The following KAZN variants were observed in gnomAD, a reference collection of about 807,000 sequenced individuals.
The protein encoded by KAZN is kazrin.
In KAZN, 40 loss-of-function variants were observed where a neutral mutation model predicts 87.4. The observed-to-expected ratio is 0.46, with a 90% CI of 0.36 to 0.60. The LOEUF is 0.60. Ranked by LOEUF, KAZN falls within the 20% of genes least tolerant of loss-of-function variation. The pLI is 0.00. For missense variants in KAZN, 898 were observed against 1,073.9 expected, an observed-to-expected ratio of 0.84 and a Z score of 2.29; for synonymous variants, 466 against 458.3, an observed-to-expected ratio of 1.02 and a Z score of -0.22.
chr1:14,312,212 A>G (rs1655353175), intron 2 of KAZN, among the ~76,000 whole-genome samples: 1 of 152,222 alleles, frequency 6.6e-6, no homozygotes, highest in Non-Finnish European at 1.5e-5. Context: ...GTGTGACATT[A>G]GACAAGTTAC....
intron 1 of KAZN, among the ~76,000 whole-genome samples, chr1:14,724,628 T>C (rs934425878): frequency 1.2e-4 from 19 of 152,246 alleles, no homozygotes; most frequent in Admixed American, 1.2e-3. Context: ...ATTTATTGCC[T>C]GAGCTGTTAT....
chr1:14,544,342 C>CTTTA (rs1672994956), intron 2 of KAZN, among the ~76,000 whole-genome samples: 1 of 81,046 alleles, frequency 1.2e-5, no homozygotes, highest in African/African-American at 4.4e-5. Flanking sequence ...CTTTTTCTTT[C>CTTTA]TTTCTTTCTT....
At position 14,618,145 on chromosome 1, in the gene KAZN, C is replaced by T. The variant is rs533932257; in HGVS notation, c.226+18922C>T. 1.3e-4 allele frequency among the ~76,000 whole-genome samples: 20 copies of T among 152,328 alleles called. No homozygotes were observed. In the East Asian group the frequency reaches 2.1e-3, roughly 16 times the overall value. ...GCTGCGAGATGGCAGCTGAGTCCGG[C>T]GCTTGCTTCACTCTTCATCTAGTTT... On this transcript the variant is annotated intron_variant, in intron 1 of 14. Coordinates refer to ENST00000376030, the MANE Select transcript of KAZN (RefSeq NM_201628.3).
chr1:14,616,345 A>G (rs1209166173), intron 1 of KAZN, among the ~76,000 whole-genome samples: 4 of 152,090 alleles, frequency 2.6e-5, no homozygotes, highest in Non-Finnish European at 4.4e-5. Flanking sequence ...TGTGCCATCA[A>G]CTCATCCTTT....
At chr1:14,408,374 C>G (rs941628034) in intron 2 of KAZN, among the ~76,000 whole-genome samples, 2 of 152,158 alleles carry the variant, frequency 1.3e-5, no homozygotes, top group Non-Finnish European at 2.9e-5. Context: ...CTAGTAGATA[C>G]TGCCTAGCAC....
chr1:14,068,455 T>G (rs1557448156), intron 1 of KAZN, among the ~76,000 whole-genome samples: 1 of 152,162 alleles, frequency 6.6e-6, no homozygotes, highest in Non-Finnish European at 1.5e-5. Context: ...TCTCAAACTA[T>G]GCCCCAAAAG....
At chr1:13,911,002 A>G (rs1639633925) in intron 1 of KAZN, among the ~76,000 whole-genome samples, 1 of 152,042 alleles carries the variant, frequency 6.6e-6, no homozygotes, top group Non-Finnish European at 1.5e-5. Flanking sequence ...TGACATGGGG[A>G]AGACAGGAAC....
intron 1 of KAZN, among the ~76,000 whole-genome samples, chr1:13,930,397 A>C (rs1640462664): frequency 6.6e-6 from 1 of 152,216 alleles, no homozygotes; most frequent in Non-Finnish European, 1.5e-5. Context: ...ATGAGAAATA[A>C]GTGCTTCCTA....
intron 2 of KAZN, among the ~76,000 whole-genome samples, chr1:14,578,886 C>G (rs906114678): frequency 1.3e-5 from 2 of 152,126 alleles, no homozygotes; most frequent in African/African-American, 4.8e-5. Flanking sequence ...TGGAGATAGG[C>G]AGATGAGTAT....
In KAZN at chr1:14,614,541, C is replaced by T. The variant is rs938157379; in HGVS notation, c.226+15318C>T. On this transcript the variant is annotated intron_variant, in intron 1 of 14. Coordinates refer to ENST00000376030, the MANE Select transcript of KAZN (RefSeq NM_201628.3). ...ATGAGGCTGGACCCAGCCTGGGTGA[C>T]CATCTGCTGGGCCTGCTGGCAAAGC... is the stretch of plus-strand genomic sequence containing the variant. Among the ~76,000 whole-genome samples, 4 of 152,198 alleles carry T rather than the reference C, an allele frequency of 2.6e-5. No homozygotes were observed. The South Asian group carries it at 8.3e-4, about 31-fold the overall frequency.
intron 2 of KAZN, among the ~76,000 whole-genome samples, chr1:14,521,893 C>T (rs143534938): frequency 1.3e-5 from 2 of 152,224 alleles, no homozygotes; most frequent in East Asian, 3.9e-4. Context: ...GATAAAAGTG[C>T]ACCATAGGAA....
chr1:14,084,229 G>A (rs767682366), intron 1 of KAZN, among the ~76,000 whole-genome samples: 21 of 152,194 alleles, frequency 1.4e-4, no homozygotes, highest in Admixed American at 2.6e-4. Context: ...GATGGAATGT[G>A]GAAGTTGAGA....
intron 2 of KAZN, among the ~76,000 whole-genome samples, chr1:14,306,400 C>T (rs993944094): frequency 6.6e-6 from 1 of 152,168 alleles, no homozygotes; most frequent in South Asian, 2.1e-4. Flanking sequence ...GCCAATGTGA[C>T]AGACTCACAG....
chr1:14,394,003 G>T (rs553860344), intron 2 of KAZN, among the ~76,000 whole-genome samples: 10 of 152,290 alleles, frequency 6.6e-5, no homozygotes, highest in African/African-American at 2.4e-4. Context: ...ATGATCAAAG[G>T]CAGGCAGCCT....
At chr1:14,583,180 A>G (rs1164886626) in intron 2 of KAZN, among the ~76,000 whole-genome samples, 2 of 152,228 alleles carry the variant, frequency 1.3e-5, no homozygotes, top group Non-Finnish European at 1.5e-5. Context: ...AACATCAGAG[A>G]CCTGGTGGAG....
At chr1:13,958,377 T>C (rs1241243378) in intron 1 of KAZN, among the ~76,000 whole-genome samples, 6 of 151,980 alleles carry the variant, frequency 3.9e-5, no homozygotes, top group East Asian at 1.9e-4. Context: ...GAGACCATCC[T>C]GGCTAACACG....
At chr1:13,998,771 A>C (rs141731681) in intron 1 of KAZN, among the ~76,000 whole-genome samples, 13,282 of 152,266 alleles carry the variant, frequency 0.087, 753 homozygotes, top group Middle Eastern at 0.13. Flanking sequence ...ATACTGGGAA[A>C]CTTTAACACC....
At chr1:13,926,526 A>G (rs2100919858) in intron 1 of KAZN, among the ~76,000 whole-genome samples, 1 of 152,228 alleles carries the variant, frequency 6.6e-6, no homozygotes, top group African/African-American at 2.4e-5. Flanking sequence ...CCTTTGCACA[A>G]AGGCATGTAC....
rs371414693 is a variant in KAZN at position 14,783,480 on chromosome 1, G to A, written c.227-177204G>A. Among the ~76,000 whole-genome samples, 17 of 152,190 alleles carry A rather than the reference G, an allele frequency of 1.1e-4. No homozygotes were observed. In the East Asian group the frequency reaches 2.7e-3, roughly 24 times the overall value. On this transcript the variant is annotated intron_variant, in intron 1 of 14. Coordinates refer to ENST00000376030, the MANE Select transcript of KAZN (RefSeq NM_201628.3). ...CAAAACCAGGACCCTAGGCATGGAT[G>A]CTTGCATTCAGGCATTTATTGAACA...
Sources: gnomAD v4.1 joint callset for allele counts (sites outside exome capture counted in the v4.1 genomes callset) on GRCh38, gnomAD v4.1.1 for gene constraint, MANE v1.5 for transcripts, NCBI Gene and HGNC (gene_info 2026-07-23, HGNC 2026-07-21) for gene names.